Variants in ERCC6 observed in about 807,000 individuals in gnomAD.
ERCC6 encodes the protein ERCC excision repair 6, chromatin remodeling factor, also known as DNA excision repair protein ERCC-6.
Under a neutral mutation model 158.7 loss-of-function variants are expected in ERCC6, and 116 were observed. The ratio of observed to expected loss-of-function variants is 0.73; its 90% CI spans 0.63 to 0.85. The LOEUF is 0.85. ERCC6 is among the 40% of genes least tolerant of loss of function. The pLI is 0.00. For synonymous variants in ERCC6, 678 were observed against 659.3 expected, an observed-to-expected ratio of 1.03 and a Z score of -0.43; for missense variants, 1,698 against 1,799.4, an observed-to-expected ratio of 0.94 and a Z score of 1.02.
chr10:49,453,241 T>C (rs970834157), downstream of ERCC6, among the ~76,000 whole-genome samples: 4 of 152,162 alleles, frequency 2.6e-5, no homozygotes, highest in Non-Finnish European at 5.9e-5. Flanking sequence ...ATATACATCT[T>C]ATCAGAATCT....
chr10:49,437,950 C>A, the ERCC6 span, among the ~76,000 whole-genome samples: 1 of 152,182 alleles, frequency 6.6e-6, no homozygotes, highest in Non-Finnish European at 1.5e-5. Context: ...GTACTTTACA[C>A]CATTTATGGA....
In ERCC6 at chr10:49,516,482, T is replaced by C. The variant is rs577167742; in HGVS notation, c.1397+7551A>G. On this transcript the variant is annotated intron_variant, in intron 5 of 20. Coordinates refer to ENST00000355832, the MANE Select transcript of ERCC6 (RefSeq NM_000124.4). Reference sequence around the variant, plus strand: ...CACGTCTCATGGCAGCACTAACCAGTACATTATGCACATCTGTTCTTTGTT... The same window carrying C: ...CACGTCTCATGGCAGCACTAACCAGCACATTATGCACATCTGTTCTTTGTT... 3 of 1,614,174 alleles carry C rather than the reference T, an allele frequency of 1.9e-6. No individual in the cohort carries two copies. In the African/African-American group the frequency reaches 4.0e-5, roughly 22 times the overall value.
In ERCC6 at chr10:49,455,208, T is replaced by C. The variant is rs1158428055; in HGVS notation, c.*3607A>G. On this transcript the variant is annotated 3_prime_UTR_variant, in exon 21 of 21. Transcript: ENST00000355832. The stretch of plus-strand genomic sequence containing the variant: ...ACCTAGGAATAAGCCTATTATGAAA[T>C]GTGCAAGACATTTATGAAGAAAGTT... Among the ~76,000 whole-genome samples, 2 of 152,132 alleles carry C rather than the reference T, an allele frequency of 1.3e-5. No individual in the cohort carries two copies. Among genetic ancestry groups the C allele is most frequent in the Non-Finnish European group, 2.9e-5 (2 of 68,036 alleles).
At chr10:49,533,098 T>C in intron 1 of ERCC6, 120 bp from the exon 2 acceptor site, 1 of 1,218,278 alleles carries the variant, frequency 8.2e-7, no homozygotes, top group South Asian at 1.6e-5. Context: ...TCCAACTACA[T>C]AAATTCAAGT....
downstream of ERCC6, among the ~76,000 whole-genome samples, chr10:49,453,307 G>C (rs1321944601): frequency 1.3e-5 from 2 of 151,978 alleles, no homozygotes; most frequent in Non-Finnish European, 2.9e-5. Context: ...CTCTTATATA[G>C]CTATATTCCC....
chr10:49,451,162 T>C (rs1431325644), downstream of ERCC6, among the ~76,000 whole-genome samples: 1 of 146,840 alleles, frequency 6.8e-6, no homozygotes, highest in Non-Finnish European at 1.5e-5. Context: ...CTGAACTCAC[T>C]TATTAGTTTC....
intron 20 of ERCC6, 51 bp from the exon 21 acceptor site, chr10:49,459,285 C>G: frequency 6.3e-7 from 1 of 1,591,178 alleles, no homozygotes; most frequent in Non-Finnish European, 8.6e-7. Flanking sequence ...AGTTTATGCC[C>G]CCACTTCCTT....
chr10:49,436,029 A>G, the ERCC6 span, among the ~76,000 whole-genome samples: 1 of 150,370 alleles, frequency 6.7e-6, no homozygotes, highest in South Asian at 2.1e-4. Flanking sequence ...AAAAAAAAAA[A>G]GCAAGGAAGA....
chr10:49,444,689 C>T, the ERCC6 span, among the ~76,000 whole-genome samples: 2 of 152,094 alleles, frequency 1.3e-5, no homozygotes, highest in Non-Finnish European at 2.9e-5. Context: ...TGTACAAAAG[C>T]CCAGTTTTAC....
At chr10:49,504,471 C>A (rs1851411053) in intron 6 of ERCC6, 1 of 152,136 alleles carries the variant, frequency 6.6e-6, no homozygotes, top group Admixed American at 6.6e-5. Flanking sequence ...GAAAATCTGA[C>A]ATTTATACAA....
chr10:49,477,990 A>G (rs1339022432), intron 11 of ERCC6, among the ~76,000 whole-genome samples: 1 of 152,184 alleles, frequency 6.6e-6, no homozygotes, highest in Non-Finnish European at 1.5e-5. Context: ...CTCCCTCAAG[A>G]ATAAATGTGA....
the ERCC6 span, among the ~76,000 whole-genome samples, chr10:49,436,134 A>G: frequency 6.6e-6 from 1 of 152,186 alleles, no homozygotes; most frequent in African/African-American, 2.4e-5. Flanking sequence ...AATGATGATG[A>G]GCATATTCAT....
chr10:49,504,187 T>C (rs1034722183), intron 6 of ERCC6: 1 of 144,226 alleles, frequency 6.9e-6, no homozygotes, highest in Non-Finnish European at 1.6e-5. Context: ...TAAAACGCAA[T>C]CATAAAAGAA....
At chr10:49,516,129 G>A (rs750846256) in intron 5 of ERCC6, 22 of 1,613,926 alleles carry the variant, frequency 1.4e-5, no homozygotes, top group African/African-American at 6.7e-5. Context: ...GACAAGTGAC[G>A]CACCGACACC....
chr10:49,447,618 G>A, the ERCC6 span, among the ~76,000 whole-genome samples: 2 of 152,080 alleles, frequency 1.3e-5, no homozygotes, highest in South Asian at 2.1e-4. Context: ...GCAGGAGAAT[G>A]GCGTGAACCT....
chr10:49,516,779 G>T, intron 5 of ERCC6: 1 of 1,614,084 alleles, frequency 6.2e-7, no homozygotes, highest in Non-Finnish European at 8.5e-7. Flanking sequence ...TTTTCCATTT[G>T]CAAAGAATTT....
At chr10:49,503,271 T>C (rs185912478) in intron 6 of ERCC6, 76 of 152,226 alleles carry the variant, frequency 5.0e-4, no homozygotes, top group African/African-American at 1.8e-3. Flanking sequence ...CTAGATTCTG[T>C]GTGGCCCAGG....
At chr10:49,499,054 AT>A (rs1443390249) in intron 7 of ERCC6, among the ~76,000 whole-genome samples, 9 of 152,232 alleles carry the variant, frequency 5.9e-5, no homozygotes, top group African/African-American at 1.9e-4. Flanking sequence ...TATTAAAAAA[AT>A]TAACAGTCAT....
At chr10:49,465,093 G>C (rs1850650867) in intron 18 of ERCC6, among the ~76,000 whole-genome samples, 1 of 152,212 alleles carries the variant, frequency 6.6e-6, no homozygotes, top group Non-Finnish European at 1.5e-5. Context: ...ACCCATGAAA[G>C]CAGCCAGGAG....
Sources: gnomAD v4.1 joint callset for allele counts (sites outside exome capture counted in the v4.1 genomes callset) on GRCh38, gnomAD v4.1.1 for gene constraint, MANE v1.5 for transcripts, NCBI Gene and HGNC (gene_info 2026-07-23, HGNC 2026-07-21) for gene names.